ACAP2: variants seen among roughly 807,000 people sequenced by gnomAD.
The protein encoded by ACAP2 is ArfGAP with coiled-coil, ankyrin repeat and PH domains 2.
ACAP2 carries 39 observed loss-of-function variants against 115.8 expected under a neutral mutation model. That is an observed-to-expected ratio of 0.34 (90% confidence interval 0.26 to 0.44). The LOEUF (loss-of-function observed/expected upper bound fraction) is 0.44, where lower values mean the gene tolerates loss of function less well. ACAP2 is among the 20% of genes least tolerant of loss of function. The pLI is 1.00. For synonymous variants in ACAP2, 289 were observed against 315.8 expected, an observed-to-expected ratio of 0.92 and a Z score of 0.90; for missense variants, 662 against 927.6, an observed-to-expected ratio of 0.71 and a Z score of 3.72.
At chr3:195,294,187 T>C (rs1250568780) in intron 18 of ACAP2, among the ~76,000 whole-genome samples, 1 of 151,970 alleles carries the variant, frequency 6.6e-6, no homozygotes, top group Admixed American at 6.6e-5. Flanking sequence ...AATATATAGC[T>C]AGGACAGAAT....
chr3:195,400,233 T>C (rs925869964), intron 1 of ACAP2, among the ~76,000 whole-genome samples: 1 of 151,686 alleles, frequency 6.6e-6, no homozygotes, highest in South Asian at 2.1e-4. Flanking sequence ...TGTGTGTATA[T>C]ATATATATAT....
chr3:195,343,955 C>T (rs1347263174), intron 5 of ACAP2, among the ~76,000 whole-genome samples: 1 of 152,148 alleles, frequency 6.6e-6, no homozygotes, highest in African/African-American at 2.4e-5. Context: ...TGCCTGTAAT[C>T]CCAGTGCTTT....
At chr3:195,382,366 T>C (rs1307180157) in intron 2 of ACAP2, among the ~76,000 whole-genome samples, 2 of 151,470 alleles carry the variant, frequency 1.3e-5, no homozygotes, top group African/African-American at 4.8e-5. Context: ...ATCAACCATG[T>C]ATTCAAAAAA....
chr3:195,435,719 A>G (rs1201394758), intron 1 of ACAP2, among the ~76,000 whole-genome samples: 1 of 152,128 alleles, frequency 6.6e-6, no homozygotes, highest in Non-Finnish European at 1.5e-5. Context: ...AATATTTTGT[A>G]TGATTTCAAT....
chr3:195,391,584 A>G (rs904782307), intron 2 of ACAP2, among the ~76,000 whole-genome samples: 1 of 152,118 alleles, frequency 6.6e-6, no homozygotes, highest in Non-Finnish European at 1.5e-5. Context: ...TCAGACATGG[A>G]TTTGAATTCC....
rs1002341406 is a variant in ACAP2, at chr3:195,442,707, G to A, written c.53+88C>T. ...CCCGTCGGAAGGAGCGGACGGCGGG[G>A]CCTCCTCCGGGTGCGCGGGCCCGGC... On this transcript the variant is annotated intron_variant, in intron 1 of 22. Transcript: ENST00000326793. 8.9e-5 allele frequency: 123 copies of A among 1,380,874 alleles called. 1 individual carries two copies. Among genetic ancestry groups the A allele is most frequent in the Admixed American group, 4.3e-4 (18 of 42,042 alleles). 85.5% of individuals were successfully genotyped at this position (1,380,874 alleles called of 1,614,324 possible).
chr3:195,343,852 C>G (rs568125015), intron 5 of ACAP2, among the ~76,000 whole-genome samples: 5 of 152,118 alleles, frequency 3.3e-5, no homozygotes, highest in Non-Finnish European at 7.4e-5. Context: ...AGACATTCAA[C>G]TCCTTGAAAG....
chr3:195,315,485 T>C (rs971397664), intron 10 of ACAP2, among the ~76,000 whole-genome samples: 4 of 152,222 alleles, frequency 2.6e-5, no homozygotes, highest in Non-Finnish European at 5.9e-5. Flanking sequence ...ATAGTTGAAG[T>C]TGTATCTTGT....
At chr3:195,388,598 G>A (rs2108765572) in intron 2 of ACAP2, among the ~76,000 whole-genome samples, 1 of 152,202 alleles carries the variant, frequency 6.6e-6, no homozygotes, top group South Asian at 2.1e-4. Context: ...CCTAGACTTG[G>A]AGCAACCCCT....
intron 7 of ACAP2, among the ~76,000 whole-genome samples, chr3:195,335,705 A>G (rs968457654): frequency 3.9e-5 from 6 of 152,172 alleles, no homozygotes; most frequent in African/African-American, 1.4e-4. Flanking sequence ...GATAAGATAT[A>G]ACACAAATAT....
intron 8 of ACAP2, among the ~76,000 whole-genome samples, chr3:195,329,858 C>T (rs781631742): frequency 1.3e-5 from 2 of 152,162 alleles, no homozygotes; most frequent in South Asian, 2.1e-4. Context: ...TATGTCCTAA[C>T]GCAGCTTCTC....
intron 1 of ACAP2, among the ~76,000 whole-genome samples, chr3:195,422,543 C>A (rs751491497): frequency 1.3e-5 from 2 of 151,910 alleles, no homozygotes; most frequent in African/African-American, 4.8e-5. Flanking sequence ...GTGCAGTGTG[C>A]GTCGATCATA....
intron 10 of ACAP2, among the ~76,000 whole-genome samples, chr3:195,312,396 C>A (rs1260290560): frequency 6.6e-6 from 1 of 152,138 alleles, no homozygotes; most frequent in African/African-American, 2.4e-5. Context: ...AGGACTAATC[C>A]TAGTTACTGC....
At chr3:195,437,572 T>C (rs1217220629) in intron 1 of ACAP2, among the ~76,000 whole-genome samples, 1 of 152,056 alleles carries the variant, frequency 6.6e-6, no homozygotes, top group Non-Finnish European at 1.5e-5. Context: ...TCCCAGCATT[T>C]TGGGAGGCCG....
At chr3:195,422,171 G>A (rs142577647) in intron 1 of ACAP2, among the ~76,000 whole-genome samples, 1 of 152,248 alleles carries the variant, frequency 6.6e-6, no homozygotes, top group African/African-American at 2.4e-5. Flanking sequence ...CCAATACCTA[G>A]TTTCAATGAT....
intron 10 of ACAP2, among the ~76,000 whole-genome samples, chr3:195,317,554 C>T (rs1036412377): frequency 7.2e-5 from 11 of 152,054 alleles, no homozygotes; most frequent in African/African-American, 2.7e-4. Flanking sequence ...GAAGAATGAT[C>T]CTGCGACAAC....
At chr3:195,279,858 A>G (rs1726375070) in intron 22 of ACAP2, 1 of 152,636 alleles carries the variant, frequency 6.6e-6, no homozygotes, top group Non-Finnish European at 1.5e-5. Flanking sequence ...CAAGTTATTA[A>G]CAAGACAAAC....
intron 15 of ACAP2, among the ~76,000 whole-genome samples, chr3:195,298,088 T>G (rs924616817): frequency 6.6e-6 from 1 of 152,098 alleles, no homozygotes; most frequent in African/African-American, 2.4e-5. Flanking sequence ...ATTACCACTA[T>G]GTAGAGAATA....
chr3:195,431,431 T>C (rs1319249976), intron 1 of ACAP2, among the ~76,000 whole-genome samples: 2 of 151,760 alleles, frequency 1.3e-5, no homozygotes, highest in South Asian at 2.1e-4. Flanking sequence ...GGTAACTCTA[T>C]GTTTAACTTT....
Sources: gnomAD v4.1 joint callset for allele counts (sites outside exome capture counted in the v4.1 genomes callset) on GRCh38, gnomAD v4.1.1 for gene constraint, MANE v1.5 for transcripts, NCBI Gene and HGNC (gene_info 2026-07-23, HGNC 2026-07-21) for gene names.